The following ZNF334 variants were observed in gnomAD, a reference collection of about 807,000 sequenced individuals.
ZNF334 encodes the protein zinc finger protein 334.
A neutral mutation model predicts 12.4 loss-of-function variants in ZNF334; 14 were observed. The observed-to-expected ratio is 1.13, with a 90% confidence interval of 0.74 to 1.76. The LOEUF (loss-of-function observed/expected upper bound fraction) is 1.76. Among genes scored for constraint, ZNF334 ranks in the 40% most tolerant of loss-of-function variants. The pLI is 0.00. For missense variants in ZNF334, 797 were observed against 804.5 expected, an observed-to-expected ratio of 0.99 and a Z score of 0.11; for synonymous variants, 273 against 269.6, an observed-to-expected ratio of 1.01 and a Z score of -0.12.
chr20:46,479,986 C>T, the ZNF334 span, among the ~76,000 whole-genome samples: 2 of 152,196 alleles, frequency 1.3e-5, no homozygotes, highest in African/African-American at 4.8e-5. Context: ...GATGTCTCAC[C>T]TTTCCAGGCC....
the ZNF334 span, chr20:46,464,234 T>C: frequency 7.4e-6 from 4 of 537,264 alleles, no homozygotes; most frequent in East Asian, 4.7e-5. Context: ...TGGCTGCTCA[T>C]TGCCTCCTTG....
At chr20:46,487,891 T>C in the ZNF334 span, among the ~76,000 whole-genome samples, 1 of 152,176 alleles carries the variant, frequency 6.6e-6, no homozygotes, top group Non-Finnish European at 1.5e-5. Context: ...CCACTGGGTC[T>C]CAATGGGGAG....
At chr20:46,496,059 TAA>T (rs953497562), downstream of ZNF334, among the ~76,000 whole-genome samples, 1 of 152,204 alleles carries the variant, frequency 6.6e-6, no homozygotes, top group Non-Finnish European at 1.5e-5. Flanking sequence ...GGAATTGGCT[TAA>T]GTCTCAAAGT....
Position 46,502,351 on chromosome 20 carries a change from AG to A in ZNF334, c.987del (p.Arg332GlyfsTer122). On this transcript the variant is annotated frameshift_variant, in exon 5 of 5. Coordinates refer to ENST00000692313, the MANE Select transcript of ZNF334 (RefSeq NM_001353824.2). LOFTEE classifies it low-confidence loss of function (END_TRUNC). ...KSYECNECGK[T>X]FFRKSALAEH... ...TCAGCCAGGGCTGACTTCCGAAAAA[AG>A]GTCTTTCCACATTCATTACACTCAT... 6.2e-7 allele frequency: 1 copy of A among 1,614,044 alleles called. No individual in the cohort carries two copies. The highest frequency in any genetic ancestry group is 8.5e-7 in the Non-Finnish European group (1 of 1,179,966).
Position 46,502,636 on chromosome 20 carries a change from T to C in ZNF334, c.703A>G (p.Lys235Glu). ...CTACATTCATTACATTCATTTGGTT[T>C]CCTTTCAGTCTGTCTCCCCTTTTGT... The part of the protein sequence containing the change: ...ITQKGRQTER[K>E]PNECNECRKT... Residue 235 changes from lysine to glutamate, a missense_variant, in exon 5 of 5, where the codon AAA becomes GAA. By Grantham distance (56) the Lys-to-Glu change is moderately conservative. Coordinates refer to ENST00000692313, the MANE Select transcript of ZNF334 (RefSeq NM_001353824.2). 6.2e-7 allele frequency: 1 copy of C among 1,612,958 alleles called. No individual in the cohort carries two copies. The highest frequency in any genetic ancestry group is 1.1e-5 in the South Asian group (1 of 91,082).
the ZNF334 span, among the ~76,000 whole-genome samples, chr20:46,470,465 C>T: frequency 2.0e-5 from 3 of 152,164 alleles, no homozygotes; most frequent in Non-Finnish European, 4.4e-5. Flanking sequence ...AGGAGGGATG[C>T]CTTATGGCCA....
the ZNF334 span, among the ~76,000 whole-genome samples, chr20:46,494,025 A>C: frequency 6.6e-6 from 1 of 152,246 alleles, no homozygotes; most frequent in African/African-American, 2.4e-5. Context: ...AGAAATGGAA[A>C]AATTGCAACA....
the ZNF334 span, among the ~76,000 whole-genome samples, chr20:46,486,802 A>C: frequency 6.6e-6 from 1 of 152,000 alleles, no homozygotes; most frequent in Non-Finnish European, 1.5e-5. Context: ...GCATCTCACC[A>C]CTGCTTGCTA....
intron 2 of ZNF334, chr20:46,505,213 A>C: frequency 6.6e-6 from 1 of 152,516 alleles, no homozygotes; most frequent in Non-Finnish European, 1.5e-5. Context: ...CAGACACAAA[A>C]CACATATGGG....
intron 2 of ZNF334, among the ~76,000 whole-genome samples, chr20:46,508,069 G>C (rs2061500202): frequency 6.6e-6 from 1 of 152,196 alleles, no homozygotes; most frequent in Admixed American, 6.5e-5. Context: ...TCCAAAGTAA[G>C]AACAGTGAAA....
At chr20:46,497,432 C>T (rs2061042173), downstream of ZNF334, among the ~76,000 whole-genome samples, 1 of 152,212 alleles carries the variant, frequency 6.6e-6, no homozygotes, top group South Asian at 2.1e-4. Flanking sequence ...TATAATAATT[C>T]AGAGACTGAT....
chr20:46,480,226 T>C, the ZNF334 span, among the ~76,000 whole-genome samples: 2 of 152,176 alleles, frequency 1.3e-5, no homozygotes, highest in African/African-American at 2.4e-5. Context: ...ATTTGCCAAG[T>C]AAGGTCACAT....
At chr20:46,477,056 T>C in the ZNF334 span, 3 of 152,224 alleles carry the variant, frequency 2.0e-5, no homozygotes, top group Non-Finnish European at 4.4e-5. Context: ...CTCAAAATAA[T>C]GCCTGTTTTC....
intron 3 of ZNF334, 48 bp from the exon 4 acceptor site, chr20:46,504,354 G>C (rs180871277): frequency 1.3e-6 from 2 of 1,510,560 alleles, no homozygotes; most frequent in African/African-American, 1.4e-5. Context: ...TTGGACATCA[G>C]AGACTCTGAA....
At chr20:46,493,105 A>C in the ZNF334 span, among the ~76,000 whole-genome samples, 1 of 133,818 alleles carries the variant, frequency 7.5e-6, no homozygotes, top group African/African-American at 3.5e-5. Context: ...AAAAAAAAAA[A>C]CTGTTAAATG....
At chr20:46,509,560 A>G (rs1285583072) in intron 2 of ZNF334, 1 of 703,034 alleles carries the variant, frequency 1.4e-6, no homozygotes. Flanking sequence ...CTAACCTTGA[A>G]ATAGTGCACA....
At chr20:46,510,826 T>G (rs1379091006) in intron 2 of ZNF334, among the ~76,000 whole-genome samples, 1 of 150,304 alleles carries the variant, frequency 6.7e-6, no homozygotes, top group Non-Finnish European at 1.5e-5. Flanking sequence ...GAAGCAGCAC[T>G]GATAGGGAAA....
At chr20:46,462,535 G>A in the ZNF334 span, among the ~76,000 whole-genome samples, 5 of 152,134 alleles carry the variant, frequency 3.3e-5, no homozygotes, top group Non-Finnish European at 5.9e-5. Context: ...AAAACACCTC[G>A]AATGGTGACA....
At chr20:46,471,215 G>A in the ZNF334 span, among the ~76,000 whole-genome samples, 1 of 152,160 alleles carries the variant, frequency 6.6e-6, no homozygotes, top group Non-Finnish European at 1.5e-5. Flanking sequence ...AATTACTGAT[G>A]AGGCTGAGCA....
Sources: gnomAD v4.1 joint callset for allele counts (sites outside exome capture counted in the v4.1 genomes callset) on GRCh38, gnomAD v4.1.1 for gene constraint, MANE v1.5 for transcripts, NCBI Gene and HGNC (gene_info 2026-07-23, HGNC 2026-07-21) for gene names.